The following MAP4K3 variants were observed in gnomAD, a reference collection of about 807,000 sequenced individuals.
The protein encoded by MAP4K3 is mitogen-activated protein kinase kinase kinase kinase 3, also known as MAPK/ERK kinase kinase kinase 3.
A neutral mutation model predicts 143.5 loss-of-function variants in MAP4K3; 94 were observed. The observed-to-expected ratio is 0.65, with a 90% CI of 0.55 to 0.78. The LOEUF (loss-of-function observed/expected upper bound fraction) is 0.78, where lower values mean the gene tolerates loss of function less well. MAP4K3 is among the 30% of genes least tolerant of loss of function. MAP4K3 has a pLI of 0.00. For synonymous variants in MAP4K3, 416 were observed against 347.2 expected, an observed-to-expected ratio of 1.20 and a Z score of -2.20; for missense variants, 1,077 against 1,068.1, an observed-to-expected ratio of 1.01 and a Z score of -0.12.
At chr2:39,309,016 CAATT>C (rs1427923346) in intron 14 of MAP4K3, among the ~76,000 whole-genome samples, 2 of 151,928 alleles carry the variant, frequency 1.3e-5, no homozygotes, top group African/African-American at 4.8e-5. Context: ...AATGGTAAAA[CAATT>C]AAGTTTCTCT....
chr2:39,336,984 C>G lies in MAP4K3; in HGVS notation c.367-17G>C, dbSNP rs1283172674. 3 of 1,296,794 alleles carry G rather than the reference C, an allele frequency of 2.3e-6. No homozygotes were observed. The highest frequency in any genetic ancestry group is 4.9e-5 in the East Asian group (2 of 40,814). 80.3% of individuals were successfully genotyped at this position (1,296,794 alleles called of 1,614,324 possible). On this transcript the variant is annotated splice_polypyrimidine_tract_variant and intron_variant, in intron 5 of 33. Transcript: ENST00000263881. Reference sequence around the variant, plus strand: ...ATATAATCCCTGGAGTTTCAAAAAACAGAAAAATAAACAAGATTTTATCAA... The same window carrying G: ...ATATAATCCCTGGAGTTTCAAAAAAGAGAAAAATAAACAAGATTTTATCAA...
At chr2:39,368,114 C>A (rs532801186) in intron 2 of MAP4K3, among the ~76,000 whole-genome samples, 1 of 152,204 alleles carries the variant, frequency 6.6e-6, no homozygotes, top group South Asian at 2.1e-4. Flanking sequence ...AAGGAAGGTA[C>A]CCGTAACTCA....
chr2:39,295,613 G>C (rs952358839), intron 16 of MAP4K3, among the ~76,000 whole-genome samples: 1 of 151,438 alleles, frequency 6.6e-6, no homozygotes, highest in Non-Finnish European at 1.5e-5. Context: ...AATCTTTTTT[G>C]AGATATTTCT....
chr2:39,293,108 C>G (rs900556450), intron 17 of MAP4K3, 122 bp downstream of exon 17: 7 of 770,446 alleles, frequency 9.1e-6, no homozygotes, highest in Non-Finnish European at 1.5e-5. Context: ...CAGAGCGAGA[C>G]CCTATCTCTA....
At chr2:39,410,279 T>C (rs1667201128) in intron 1 of MAP4K3, among the ~76,000 whole-genome samples, 2 of 152,320 alleles carry the variant, frequency 1.3e-5, no homozygotes, top group South Asian at 2.1e-4. Context: ...TGGCAGGACA[T>C]ACCACAAATA....
chr2:39,298,102 T>C (rs1017753017), intron 16 of MAP4K3, among the ~76,000 whole-genome samples: 3 of 152,078 alleles, frequency 2.0e-5, no homozygotes, highest in African/African-American at 7.2e-5. Flanking sequence ...TCTCTTAAAA[T>C]ACACTAAAAT....
intron 20 of MAP4K3, among the ~76,000 whole-genome samples, chr2:39,287,903 T>A: frequency 6.6e-6 from 1 of 152,154 alleles, no homozygotes; most frequent in East Asian, 1.9e-4. Flanking sequence ...AAATATGAAA[T>A]GAGAAATGAG....
At chr2:39,331,060 T>C (rs72925279) in intron 8 of MAP4K3, among the ~76,000 whole-genome samples, 2,261 of 152,214 alleles carry the variant, frequency 0.015, 54 homozygotes, top group African/African-American at 0.052. Flanking sequence ...GATGAAAAGA[T>C]AGGCTGACAT....
intron 12 of MAP4K3, among the ~76,000 whole-genome samples, chr2:39,316,618 G>T (rs1683120678): frequency 6.6e-6 from 1 of 152,096 alleles, no homozygotes; most frequent in Admixed American, 6.6e-5. Context: ...GTTAAATGAG[G>T]CCAGGGAATG....
At chr2:39,382,296 A>G (rs1229365367) in intron 1 of MAP4K3, among the ~76,000 whole-genome samples, 1 of 152,250 alleles carries the variant, frequency 6.6e-6, no homozygotes, top group Non-Finnish European at 1.5e-5. Flanking sequence ...AGAAACAGTC[A>G]TTATCAGTAA....
rs373302450 is a variant in MAP4K3 at position 39,308,003 on chromosome 2, G to C, written c.1059C>G (p.Pro353=). 1 of 1,599,468 alleles carries C rather than the reference G, an allele frequency of 6.3e-7. No homozygotes were observed. The highest frequency in any genetic ancestry group is 1.3e-5 in the African/African-American group (1 of 74,084). Residue 353 remains proline (P), a splice_region_variant and synonymous_variant, in exon 15 of 34, where the codon CCC becomes CCG. Coordinates refer to ENST00000263881, the MANE Select transcript of MAP4K3 (RefSeq NM_003618.4). ...AACTGTCCAAAAAACCATCACTGTC[G>C]GGCTGTTTAGCAGAGACCAAGAAAC... ...RKETEPHHEL[P]DSDGFLDSSE...
At chr2:39,396,465 C>G (rs1348876713) in intron 1 of MAP4K3, among the ~76,000 whole-genome samples, 1 of 151,124 alleles carries the variant, frequency 6.6e-6, no homozygotes, top group Non-Finnish European at 1.5e-5. Context: ...TGTGCTTTAA[C>G]TTCAAGCCCC....
intron 3 of MAP4K3, among the ~76,000 whole-genome samples, chr2:39,355,164 ACCATCGT>A (rs1474255558): frequency 6.6e-6 from 1 of 152,146 alleles, no homozygotes; most frequent in Admixed American, 6.5e-5. Flanking sequence ...GGAGATCAAG[ACCATCGT>A]GGCCAACATG....
In MAP4K3 at chr2:39,280,323, A is replaced by T. The variant is rs758121581; in HGVS notation, c.1663T>A (p.Cys555Ser). 11 of 1,605,006 alleles carry T rather than the reference A, an allele frequency of 6.9e-6. No homozygotes were observed. Among genetic ancestry groups the T allele is most frequent in the Admixed American group, 3.3e-5 (2 of 59,786 alleles). The change falls in exon 23 of 34, where the codon TGT becomes AGT. Residue 555 changes from cysteine to serine, a missense_variant. Physicochemically the swap from Cys to Ser is moderately radical, Grantham distance 112. This residue lies in a region of MAP4K3 where 864 missense variants were observed against 801.2 expected (regional missense o/e 1.08). Transcript: ENST00000263881. The part of the protein sequence containing the change: ...GACFSKVFNG[C>S]PLKIHCASSW... ...GATGCACAGTGAATTTTCAAGGGAC[A>T]CCCATTAAAAACTTTTGAAAAACAT...
rs765800244 is a variant in MAP4K3 at position 39,286,887 on chromosome 2, T to C, written c.1552A>G (p.Thr518Ala). Residue 518 changes from threonine (T) to alanine (A), a missense_variant, in exon 21 of 34, where the codon ACA (threonine) becomes GCA (alanine). Physicochemically the swap from Thr to Ala is moderately conservative, Grantham distance 58 (BLOSUM62 0). This residue lies in a region of MAP4K3 where 864 missense variants were observed against 801.2 expected (regional missense o/e 1.08). Coordinates refer to ENST00000263881, the MANE Select transcript of MAP4K3 (RefSeq NM_003618.4). ...TTCTTTTCTTTTCTTGAAAGGTTTG[T>C]GCCTCTATGTTCATTCTGTTGTTGA... The part of the protein sequence containing the change: ...LCQQQNEHRG[T>A]NLSRKEKKDV... 6.8e-6 allele frequency: 11 copies of C among 1,609,978 alleles called. No homozygotes were observed. The highest frequency in any genetic ancestry group is 8.5e-6 in the Non-Finnish European group (10 of 1,179,012).
intron 1 of MAP4K3, among the ~76,000 whole-genome samples, chr2:39,430,713 C>T (rs1019648873): frequency 3.9e-5 from 6 of 152,126 alleles, no homozygotes; most frequent in Admixed American, 2.6e-4. Context: ...TTCAAAATGA[C>T]GGAGTATCTT....
At chr2:39,311,895 AC>A (rs1558639766) in intron 13 of MAP4K3, among the ~76,000 whole-genome samples, 1 of 152,240 alleles carries the variant, frequency 6.6e-6, no homozygotes, top group African/African-American at 2.4e-5. Context: ...AGAATTCAAT[AC>A]CTTCAGACTT....
intron 28 of MAP4K3, among the ~76,000 whole-genome samples, chr2:39,264,420 G>A (rs937485635): frequency 6.6e-6 from 1 of 152,092 alleles, no homozygotes; most frequent in African/African-American, 2.4e-5. Context: ...ATATGAAAAC[G>A]AAAACTAGAT....
chr2:39,293,095 C>A, intron 17 of MAP4K3, 135 bp downstream of exon 17: 1 of 739,888 alleles, frequency 1.4e-6, no homozygotes, highest in Admixed American at 2.8e-5. Flanking sequence ...CCAGCCTGGG[C>A]AACAGAGCGA....
Sources: allele counts gnomAD v4.1 joint callset (sites outside exome capture counted in the v4.1 genomes callset), GRCh38; gene constraint gnomAD v4.1.1; regional missense constraint gnomAD v4.1.1; transcripts MANE v1.5; gene names NCBI Gene and HGNC (gene_info 2026-07-23, HGNC 2026-07-21).